TMEM132C: variants seen among roughly 807,000 people sequenced by gnomAD.
The protein encoded by TMEM132C is transmembrane protein 132C.
Under a neutral mutation model 61.4 loss-of-function variants are expected in TMEM132C, and 29 were observed. The observed-to-expected ratio is 0.47, with a 90% CI of 0.35 to 0.64. The LOEUF (loss-of-function observed/expected upper bound fraction) is 0.64, where lower values mean the gene tolerates loss of function less well. Ranked by LOEUF, TMEM132C falls within the 30% of genes least tolerant of loss-of-function variation. The pLI, the probability that TMEM132C is intolerant of heterozygous loss-of-function variation, is 0.00. For synonymous variants in TMEM132C, 656 were observed against 633.1 expected, an observed-to-expected ratio of 1.04 and a Z score of -0.54; for missense variants, 1,408 against 1,476.9, an observed-to-expected ratio of 0.95 and a Z score of 0.76.
chr12:128,452,703 CA>C (rs566423371), intron 2 of TMEM132C, among the ~76,000 whole-genome samples: 2 of 148,394 alleles, frequency 1.3e-5, no homozygotes, highest in Non-Finnish European at 3.0e-5. Context: ...GACTCCATCT[CA>C]AAAAAAAACC....
intron 8 of TMEM132C, among the ~76,000 whole-genome samples, chr12:128,701,413 A>G (rs557989606): frequency 2.6e-5 from 4 of 152,270 alleles, no homozygotes; most frequent in Admixed American, 6.5e-5. Flanking sequence ...ATATGACCCA[A>G]TCCAACTCAA....
chr12:128,356,552 T>G (rs10847601), intron 1 of TMEM132C, among the ~76,000 whole-genome samples: 24,300 of 152,268 alleles, frequency 0.16, 2,559 homozygotes, highest in South Asian at 0.3. Context: ...TACACCCAGA[T>G]ACTAGAGTTA....
chr12:128,295,469 G>A (rs900315355), intron 1 of TMEM132C, among the ~76,000 whole-genome samples: 1 of 152,026 alleles, frequency 6.6e-6, no homozygotes, highest in Admixed American at 6.5e-5. Context: ...ACTGAGACGT[G>A]TAGGGTCACA....
intron 3 of TMEM132C, among the ~76,000 whole-genome samples, chr12:128,549,675 G>C (rs1359441520): frequency 6.6e-6 from 1 of 152,136 alleles, no homozygotes; most frequent in African/African-American, 2.4e-5. Flanking sequence ...ACCGTGTCGT[G>C]CTCAGCATAG....
chr12:128,440,997 C>T (rs746361072), intron 2 of TMEM132C, among the ~76,000 whole-genome samples: 6 of 152,084 alleles, frequency 3.9e-5, no homozygotes, highest in African/African-American at 7.2e-5. Context: ...GCTCAGATCG[C>T]GCCACTGCAC....
At chr12:128,455,381 T>C (rs1322740843) in intron 2 of TMEM132C, among the ~76,000 whole-genome samples, 1 of 152,194 alleles carries the variant, frequency 6.6e-6, no homozygotes, top group Non-Finnish European at 1.5e-5. Context: ...GTGCATGCTT[T>C]GCAGCCCGGC....
intron 2 of TMEM132C, among the ~76,000 whole-genome samples, chr12:128,512,033 C>T (rs1872580652): frequency 6.6e-6 from 1 of 152,188 alleles, no homozygotes; most frequent in African/African-American, 2.4e-5. Context: ...AACCCAAGGC[C>T]CCTCGAGCTC....
chr12:128,318,959 C>T (rs777175468), intron 1 of TMEM132C, among the ~76,000 whole-genome samples: 7 of 152,294 alleles, frequency 4.6e-5, no homozygotes, highest in Non-Finnish European at 8.8e-5. Context: ...TCCCCCCAGA[C>T]CTTACTTCCC....
chr12:128,358,577 G>A (rs1873595158), intron 1 of TMEM132C, among the ~76,000 whole-genome samples: 1 of 151,072 alleles, frequency 6.6e-6, no homozygotes, highest in Admixed American at 6.6e-5. Flanking sequence ...TGGCGTGATA[G>A]TTTTAGGAGC....
intron 5 of TMEM132C, among the ~76,000 whole-genome samples, chr12:128,682,580 C>T (rs1445390002): frequency 1.3e-5 from 2 of 152,214 alleles, no homozygotes; most frequent in African/African-American, 2.4e-5. Context: ...TGGCCGTTAA[C>T]ACTCTCTGTG....
intron 1 of TMEM132C, among the ~76,000 whole-genome samples, chr12:128,332,229 C>T (rs540320782): frequency 1.3e-4 from 20 of 152,192 alleles, no homozygotes; most frequent in Non-Finnish European, 2.5e-4. Context: ...TGTCTTAAGA[C>T]ATCTAAGCAT....
intron 2 of TMEM132C, among the ~76,000 whole-genome samples, chr12:128,506,013 A>G (rs538352173): frequency 1.3e-5 from 2 of 152,330 alleles, no homozygotes; most frequent in African/African-American, 2.4e-5. Context: ...CGGCATAAAT[A>G]TGGAGCATTT....
intron 4 of TMEM132C, among the ~76,000 whole-genome samples, chr12:128,622,343 C>CAAAAAAAAA (rs71069584): frequency 7.5e-4 from 12 of 16,094 alleles, no homozygotes; most frequent in African/African-American, 1.5e-3. Flanking sequence ...GACTTTGTCT[C>CAAAAAAAAA]AAAAAAAAAA....
intron 3 of TMEM132C, among the ~76,000 whole-genome samples, chr12:128,576,850 C>T (rs911818444): frequency 1.3e-5 from 2 of 152,192 alleles, no homozygotes; most frequent in Non-Finnish European, 2.9e-5. Context: ...TGGCAGAAAG[C>T]TGTTCAGAAA....
At chr12:128,690,824 G>A (rs912311604) in intron 5 of TMEM132C, among the ~76,000 whole-genome samples, 4 of 152,068 alleles carry the variant, frequency 2.6e-5, no homozygotes, top group Non-Finnish European at 5.9e-5. Context: ...ACTGCTCCCT[G>A]CCACTGTCCC....
chr12:128,644,026 A>G (rs182496343), intron 4 of TMEM132C, among the ~76,000 whole-genome samples: 2 of 152,330 alleles, frequency 1.3e-5, no homozygotes, highest in East Asian at 1.9e-4. Context: ...TCATGGGGGA[A>G]CTGCAAATTA....
At chr12:128,396,731 C>T (rs1322658575) in intron 1 of TMEM132C, among the ~76,000 whole-genome samples, 1 of 152,162 alleles carries the variant, frequency 6.6e-6, no homozygotes, top group Non-Finnish European at 1.5e-5. Context: ...CACAGACAGG[C>T]TAAGTGAGCA....
intron 2 of TMEM132C, among the ~76,000 whole-genome samples, chr12:128,428,508 A>G (rs550682488): frequency 1.3e-5 from 2 of 152,158 alleles, no homozygotes; most frequent in African/African-American, 2.4e-5. Flanking sequence ...CCCAACTGTC[A>G]TCCATTTATT....
rs773174398 is a variant in TMEM132C at position 128,580,715 on chromosome 12, T to A, written c.1122-35437T>A. 2.0e-5 allele frequency among the ~76,000 whole-genome samples: 3 copies of A among 152,174 alleles called. No individual in the cohort carries two copies. The East Asian group carries it at 5.8e-4, about 29-fold the overall frequency. ...TGGAGAAGGAGTATGATTTTTCTTA[T>A]AGCGACAGTCCCCACCGCTCCCTGA... On this transcript the variant is annotated intron_variant, in intron 3 of 8. Coordinates refer to ENST00000435159, the MANE Select transcript of TMEM132C (RefSeq NM_001136103.3).
Sources: gnomAD v4.1 joint callset for allele counts (sites outside exome capture counted in the v4.1 genomes callset) on GRCh38, gnomAD v4.1.1 for gene constraint, MANE v1.5 for transcripts, NCBI Gene and HGNC (gene_info 2026-07-23, HGNC 2026-07-21) for gene names.